STPG1: variants seen among roughly 807,000 people sequenced by gnomAD.
STPG1 encodes the protein O(6)-methylguanine-induced apoptosis 2.
In STPG1, 33 loss-of-function variants were observed where a neutral mutation model predicts 40.1. The observed-to-expected ratio is 0.82, with a 90% CI of 0.62 to 1.10. The LOEUF (loss-of-function observed/expected upper bound fraction) is 1.10. Ranked by LOEUF, STPG1 falls within the 50% of genes least tolerant of loss-of-function variation. The pLI is 0.00. For missense variants in STPG1, 396 were observed against 415.1 expected (o/e 0.95, Z 0.40); for synonymous variants, 150 against 155.0 (o/e 0.97, Z 0.24).
At position 24,379,042 on chromosome 1, in the gene STPG1, G is replaced by T. The variant is rs181463101; in HGVS notation, c.462+611C>A. Among the ~76,000 whole-genome samples, 47 of 152,304 alleles carry T rather than the reference G, an allele frequency of 3.1e-4. No homozygotes were observed. In the East Asian group the frequency reaches 8.7e-3, roughly 28 times the overall value. On this transcript the variant is annotated intron_variant, in intron 5 of 8. Coordinates refer to ENST00000337248, the MANE Select transcript of STPG1 (RefSeq NM_001199013.2). Reference sequence around the variant, plus strand: ...TCTCATTTAATATTTGCATTAACACGATGAGGTGAACATACATCACCATTT... The same window carrying T: ...TCTCATTTAATATTTGCATTAACACTATGAGGTGAACATACATCACCATTT...
intron 1 of STPG1, among the ~76,000 whole-genome samples, chr1:24,413,381 C>T (rs1019033190): frequency 1.3e-5 from 2 of 152,224 alleles, no homozygotes; most frequent in Non-Finnish European, 2.9e-5. Context: ...ACTCGCGGAG[C>T]CTGAGCCAGA....
chr1:24,408,993 T>C (rs1210521459), intron 1 of STPG1, among the ~76,000 whole-genome samples: 1 of 152,144 alleles, frequency 6.6e-6, no homozygotes, highest in Non-Finnish European at 1.5e-5. Flanking sequence ...AATTAAGAGA[T>C]TCAAAATAAC....
intron 7 of STPG1, among the ~76,000 whole-genome samples, chr1:24,362,736 AC>A (rs983902518): frequency 2.6e-5 from 4 of 151,874 alleles, no homozygotes; most frequent in African/African-American, 9.7e-5. Context: ...GGCAGGGGAC[AC>A]CCCCCTGGTC....
Position 24,373,774 on chromosome 1 carries a change from A to T in STPG1, c.499T>A (p.Cys167Ser), listed in dbSNP as rs140363198. The change falls in exon 6 of 9, where the codon TGT (cysteine) becomes AGT (serine). Residue 167 changes from cysteine to serine, a missense_variant. By Grantham distance (112) the Cys-to-Ser change is moderately radical. Coordinates refer to ENST00000337248, the MANE Select transcript of STPG1 (RefSeq NM_001199013.2). ...TTTGACATAAACCCGGCTCGAGTAC[A>T]GACGTTGTTTCTCTGCTTGCAGCAA... ...VSCCKQRNNV[C>S]TRAGFMSKTQ... The T allele has an allele frequency of 3.1e-6, 5 of 1,611,042 alleles. No homozygotes were observed. The East Asian group carries it at 1.1e-4, about 36-fold the overall frequency.
At chr1:24,369,567 C>T (rs182047090) in intron 7 of STPG1, 107 bp downstream of exon 7, 2 of 1,240,078 alleles carry the variant, frequency 1.6e-6, no homozygotes, top group Admixed American at 4.2e-5. Context: ...AAGAGAGTGG[C>T]CCGGCACTGT....
intron 1 of STPG1, among the ~76,000 whole-genome samples, chr1:24,409,459 T>TA (rs1337330613): frequency 6.6e-6 from 1 of 152,182 alleles, no homozygotes; most frequent in Non-Finnish European, 1.5e-5. Context: ...AAGCTGTTAT[T>TA]AAAAAATGTA....
In STPG1 at chr1:24,379,689, A is replaced by G; in HGVS notation, c.426T>C (p.Ala142=). ...TTGGTGCAGGAGTTTCAAACTTGAG[A>G]GCTTTCATAAAGCTTGGCAACTGGA... ...SMFQLPSFMK[A]LKFETPAPNY... Residue 142 remains alanine (A), a synonymous_variant, in exon 5 of 9, where the codon GCT becomes GCC. Transcript: ENST00000337248. The G allele has an allele frequency of 6.2e-7, 1 of 1,614,210 alleles. No homozygotes were observed. The highest frequency in any genetic ancestry group is 1.3e-5 in the African/African-American group (1 of 75,052).
upstream of STPG1, chr1:24,414,051 CT>C (rs921807698): frequency 1.4e-3 from 212 of 149,536 alleles, no homozygotes; most frequent in African/African-American, 4.6e-3. Flanking sequence ...AGCCCTGTTT[CT>C]TTTTTTTTTG....
At chr1:24,395,908 A>G (rs11249099) in intron 2 of STPG1, among the ~76,000 whole-genome samples, 54,271 of 151,216 alleles carry the variant, frequency 0.36, 9,899 homozygotes, top group East Asian at 0.47. Flanking sequence ...GCTTGAACCC[A>G]GGAGGTGTAG....
intron 2 of STPG1, among the ~76,000 whole-genome samples, chr1:24,396,288 TATCTATCTATC>T (rs1354269621): frequency 9.7e-6 from 1 of 103,250 alleles, no homozygotes; most frequent in African/African-American, 3.6e-5. Flanking sequence ...TCTATCTATC[TATCTATCTATC>T]ATCTATCTAT....
chr1:24,412,105 T>C (rs765958109), intron 1 of STPG1: 2 of 152,270 alleles, frequency 1.3e-5, no homozygotes, highest in Non-Finnish European at 2.9e-5. Flanking sequence ...CGTGTGTGCA[T>C]GCTGGGTCAC....
intron 1 of STPG1, among the ~76,000 whole-genome samples, chr1:24,408,408 AACTT>A (rs1330043063): frequency 6.6e-6 from 1 of 152,180 alleles, no homozygotes; most frequent in Non-Finnish European, 1.5e-5. Flanking sequence ...CTCAGCCAAA[AACTT>A]AAGGAGACCT....
rs376523924 is a variant in STPG1, at chr1:24,360,804, G to C, written c.928+47C>G. The stretch of plus-strand genomic sequence containing the variant: ...TTTGATGACCCAAGAATGACAAACA[G>C]TTCCAGAAGATTTGGTTTTTACAAT... On this transcript the variant is annotated intron_variant, in intron 8 of 8. Coordinates refer to ENST00000337248, the MANE Select transcript of STPG1 (RefSeq NM_001199013.2). 2.0e-6 allele frequency: 3 copies of C among 1,518,644 alleles called. No homozygotes were observed. The Admixed American group carries it at 5.9e-5, about 30-fold the overall frequency. 94.1% of individuals were successfully genotyped at this position (1,518,644 alleles called of 1,614,324 possible). A position where few individuals can be genotyped will look rare whatever the true frequency, so the allele number is the denominator to read the frequency against.
chr1:24,390,312 G>T (rs758512573), intron 3 of STPG1, among the ~76,000 whole-genome samples: 1 of 152,188 alleles, frequency 6.6e-6, no homozygotes, highest in Non-Finnish European at 1.5e-5. Flanking sequence ...ATAAGGACCG[G>T]TCAGGAACCA....
At chr1:24,413,112 A>T (rs1191049698) in intron 1 of STPG1, among the ~76,000 whole-genome samples, 1 of 152,104 alleles carries the variant, frequency 6.6e-6, no homozygotes, top group African/African-American at 2.4e-5. Context: ...TTTTCAAAGC[A>T]CTCTCAGGTA....
At chr1:24,389,714 C>T (rs34804209) in intron 3 of STPG1, among the ~76,000 whole-genome samples, 19,316 of 152,050 alleles carry the variant, frequency 0.13, 1,341 homozygotes, top group African/African-American at 0.18. Context: ...CTGCAAATAT[C>T]CTGGAGAGGG....
At chr1:24,381,922 T>C (rs1557446271) in intron 4 of STPG1, among the ~76,000 whole-genome samples, 1 of 152,208 alleles carries the variant, frequency 6.6e-6, no homozygotes, top group East Asian at 1.9e-4. Flanking sequence ...GATCTCCTAA[T>C]AGATCGCCAT....
chr1:24,365,205 C>A (rs1641376994), intron 7 of STPG1, among the ~76,000 whole-genome samples: 2 of 152,118 alleles, frequency 1.3e-5, no homozygotes, highest in South Asian at 4.1e-4. Flanking sequence ...TGGAGTGGGG[C>A]CAACGGGGCT....
At chr1:24,389,564 G>C (rs570770183) in intron 3 of STPG1, among the ~76,000 whole-genome samples, 1 of 152,096 alleles carries the variant, frequency 6.6e-6, no homozygotes, top group Admixed American at 6.5e-5. Context: ...CCTAAGCCTC[G>C]GTTTCCTCTT....
Sources: allele counts gnomAD v4.1 joint callset (sites outside exome capture counted in the v4.1 genomes callset), GRCh38; gene constraint gnomAD v4.1.1; transcripts MANE v1.5; gene names NCBI Gene and HGNC (gene_info 2026-07-23, HGNC 2026-07-21).